Variants in PDE8A observed in about 807,000 individuals in gnomAD.
The protein encoded by PDE8A is phosphodiesterase 8A.
Under a neutral mutation model 105.0 loss-of-function variants are expected in PDE8A, and 59 were observed. The observed-to-expected ratio is 0.56, with a 90% CI of 0.46 to 0.70. The LOEUF (loss-of-function observed/expected upper bound fraction) is 0.70, where lower values mean the gene tolerates loss of function less well. PDE8A is among the 30% of genes least tolerant of loss of function. The pLI, the probability that PDE8A is intolerant of heterozygous loss-of-function variation, is 0.00. For missense variants in PDE8A, 1,014 were observed against 1,045.9 expected (o/e 0.97, Z 0.42); for synonymous variants, 355 against 371.9 (o/e 0.95, Z 0.52).
At chr15:85,070,397 T>G (rs2081293323) in intron 3 of PDE8A, among the ~76,000 whole-genome samples, 1 of 152,188 alleles carries the variant, frequency 6.6e-6, no homozygotes, top group Non-Finnish European at 1.5e-5. Flanking sequence ...AAGATGTGCT[T>G]CTTGTCTCTG....
At position 85,099,990 on chromosome 15, in the gene PDE8A, A is replaced by G. The variant is rs751521135; in HGVS notation, c.942-25A>G. On this transcript the variant is annotated intron_variant, in intron 9 of 21. Coordinates refer to ENST00000394553, the MANE Select transcript of PDE8A (RefSeq NM_002605.3). ...ATCAAATTAGAGACTCAGAAGAGAA[A>G]TAATGCATTGTTTTTTACTTGCAGA... 7.0e-6 allele frequency: 11 copies of G among 1,581,366 alleles called. No individual in the cohort carries two copies. In the African/African-American group the frequency reaches 1.4e-4, roughly 19 times the overall value.
intron 1 of PDE8A, among the ~76,000 whole-genome samples, chr15:85,048,240 G>C (rs1323175284): frequency 6.6e-6 from 1 of 152,002 alleles, no homozygotes; most frequent in Admixed American, 6.6e-5. Context: ...CTTCGTTGAA[G>C]GATAAAAACT....
intron 1 of PDE8A, among the ~76,000 whole-genome samples, chr15:85,054,274 A>G (rs2141425845): frequency 6.6e-6 from 1 of 152,226 alleles, no homozygotes; most frequent in East Asian, 1.9e-4. Context: ...TTGGTCTAAA[A>G]TTCTCTTTTT....
In PDE8A at chr15:85,136,230, C is replaced by T. The variant is rs915067769; in HGVS notation, c.2254-304C>T. On this transcript the variant is annotated intron_variant, in intron 20 of 21. Coordinates refer to ENST00000394553, the MANE Select transcript of PDE8A (RefSeq NM_002605.3). ...CTTTAGGTCAATACGAACAACAGAG[C>T]GGTGGCTGACTACACATAATGTTTG... 3.9e-5 allele frequency among the ~76,000 whole-genome samples: 6 copies of T among 152,210 alleles called. No individual in the cohort carries two copies. The East Asian group carries it at 5.8e-4, about 15-fold the overall frequency.
chr15:85,032,337 T>C (rs2080629491), intron 1 of PDE8A, among the ~76,000 whole-genome samples: 1 of 152,224 alleles, frequency 6.6e-6, no homozygotes, highest in Non-Finnish European at 1.5e-5. Flanking sequence ...GTATAAGAGT[T>C]GGATAGTTTT....
chr15:85,095,134 A>G (rs1311022393), intron 8 of PDE8A, among the ~76,000 whole-genome samples: 1 of 152,170 alleles, frequency 6.6e-6, no homozygotes, highest in East Asian at 1.9e-4. Flanking sequence ...TGTAGCAGAC[A>G]GAAGGGAGGT....
In PDE8A at chr15:84,982,003, T is replaced by A. The variant is rs1289718839; in HGVS notation, c.-160T>A. The A allele has an allele frequency of 2.1e-5, 7 of 329,508 alleles. No individual in the cohort carries two copies. Among genetic ancestry groups the A allele is most frequent in the Non-Finnish European group, 3.7e-5 (7 of 190,810 alleles). The allele number at this position is 329,508 out of a possible 1,614,324, so 20.4% of individuals were successfully genotyped here. ...CGCCGCCGCAGCGCCCGCACCGCGA[T>A]AAAAGGGGCGGCCGCGTTTCCTGAC... On this transcript the variant is annotated 5_prime_UTR_variant, in exon 1 of 22. It removes the in-frame stop codon of an upstream open reading frame in the 5' UTR. Coordinates refer to ENST00000394553, the MANE Select transcript of PDE8A (RefSeq NM_002605.3).
At chr15:85,071,374 T>G (rs1414340484) in intron 3 of PDE8A, among the ~76,000 whole-genome samples, 1 of 152,246 alleles carries the variant, frequency 6.6e-6, no homozygotes, top group Non-Finnish European at 1.5e-5. Flanking sequence ...CCATCCCTGC[T>G]GCCCCTGATT....
intron 20 of PDE8A, among the ~76,000 whole-genome samples, chr15:85,131,179 G>C (rs1251282236): frequency 2.6e-5 from 4 of 152,098 alleles, no homozygotes; most frequent in Non-Finnish European, 5.9e-5. Context: ...TGTATGTCTT[G>C]AGAGCTAAAG....
chr15:85,041,103 G>A (rs903715909), intron 1 of PDE8A, among the ~76,000 whole-genome samples: 2 of 152,138 alleles, frequency 1.3e-5, no homozygotes, highest in Non-Finnish European at 2.9e-5. Context: ...TAATGCAAGT[G>A]CAGGCATTTT....
upstream of PDE8A, among the ~76,000 whole-genome samples, chr15:84,980,856 G>C (rs1596401429): frequency 6.6e-6 from 1 of 152,180 alleles, no homozygotes; most frequent in Non-Finnish European, 1.5e-5. Context: ...GGCGCCTGCA[G>C]CCTGCCCGGT....
intron 1 of PDE8A, among the ~76,000 whole-genome samples, chr15:85,042,739 G>A (rs921540930): frequency 6.6e-6 from 1 of 152,142 alleles, no homozygotes; most frequent in Non-Finnish European, 1.5e-5. Flanking sequence ...TATACATTAT[G>A]GAGCACTTAA....
chr15:85,116,875 A>G (rs990319043), intron 16 of PDE8A, among the ~76,000 whole-genome samples: 1 of 152,152 alleles, frequency 6.6e-6, no homozygotes, highest in African/African-American at 2.4e-5. Context: ...AGCCAAGGAG[A>G]GTTGAAAAGA....
At chr15:85,005,125 T>TTTTTTTG (rs2080125414) in intron 1 of PDE8A, among the ~76,000 whole-genome samples, 1 of 152,024 alleles carries the variant, frequency 6.6e-6, no homozygotes, top group African/African-American at 2.4e-5. Context: ...CTATAGGACT[T>TTTTTTTG]TTTTTTGTTT....
chr15:85,107,658 T>C (rs2081966523), intron 11 of PDE8A, among the ~76,000 whole-genome samples: 1 of 152,166 alleles, frequency 6.6e-6, no homozygotes, highest in African/African-American at 2.4e-5. Context: ...TTCAGTGATC[T>C]GGGTTAAAGA....
chr15:85,081,129 C>T (rs1025387833), intron 5 of PDE8A, among the ~76,000 whole-genome samples: 2 of 152,158 alleles, frequency 1.3e-5, no homozygotes, highest in Non-Finnish European at 1.5e-5. Context: ...TGGCTGTAGG[C>T]GGTGGTGCCA....
chr15:85,134,985 C>T (rs981713930), intron 20 of PDE8A, among the ~76,000 whole-genome samples: 19 of 152,122 alleles, frequency 1.2e-4, no homozygotes, highest in African/African-American at 2.4e-4. Context: ...GAGCTGGTGC[C>T]GTAGAGCTGC....
chr15:85,018,209 T>C (rs753450706), intron 1 of PDE8A, among the ~76,000 whole-genome samples: 2 of 152,168 alleles, frequency 1.3e-5, no homozygotes, highest in Non-Finnish European at 2.9e-5. Flanking sequence ...ATAGGCAAAC[T>C]TGGGATATAT....
intron 1 of PDE8A, among the ~76,000 whole-genome samples, chr15:85,011,516 A>C (rs1386772338): frequency 6.6e-6 from 1 of 152,206 alleles, no homozygotes; most frequent in Non-Finnish European, 1.5e-5. Flanking sequence ...ATGTGTAAAA[A>C]ATTATAAAAC....
Sources: gnomAD v4.1 joint callset for allele counts (sites outside exome capture counted in the v4.1 genomes callset) on GRCh38, gnomAD v4.1.1 for gene constraint, MANE v1.5 for transcripts, NCBI Gene and HGNC (gene_info 2026-07-23, HGNC 2026-07-21) for gene names.